The following FRMPD2 variants were observed in gnomAD, a reference collection of about 807,000 sequenced individuals.
FRMPD2 encodes the protein FERM and PDZ domain containing 2.
FRMPD2 carries 96 observed loss-of-function variants against 140.1 expected under a neutral mutation model. The observed-to-expected ratio is 0.69, with a 90% confidence interval of 0.58 to 0.81. The LOEUF (loss-of-function observed/expected upper bound fraction) is 0.81, where lower values mean the gene tolerates loss of function less well. FRMPD2 is among the 40% of genes least tolerant of loss of function. FRMPD2 has a pLI of 0.00. For missense variants in FRMPD2, 1,240 were observed against 1,447.4 expected (o/e 0.86, Z 2.32); for synonymous variants, 449 against 547.6 (o/e 0.82, Z 2.52).
chr10:48,189,793 G>A (rs542107502), intron 16 of FRMPD2, among the ~76,000 whole-genome samples: 30 of 152,284 alleles, frequency 2.0e-4, no homozygotes, highest in South Asian at 1.2e-3. Flanking sequence ...CCAAGCAGCC[G>A]TCCCTGGTGC....
At chr10:48,254,821 A>G (rs1840456579) in intron 1 of FRMPD2, among the ~76,000 whole-genome samples, 1 of 152,218 alleles carries the variant, frequency 6.6e-6, no homozygotes, top group Non-Finnish European at 1.5e-5. Context: ...TCAGAGGCAG[A>G]GCTCTTCCCC....
At chr10:48,204,872 C>T (rs945859865) in intron 14 of FRMPD2, among the ~76,000 whole-genome samples, 1 of 152,178 alleles carries the variant, frequency 6.6e-6, no homozygotes, top group East Asian at 1.9e-4. Flanking sequence ...CTAGAAGGAA[C>T]AGGTTTTTGA....
intron 12 of FRMPD2, among the ~76,000 whole-genome samples, chr10:48,219,439 T>G (rs2131897509): frequency 6.6e-6 from 1 of 152,238 alleles, no homozygotes; most frequent in Admixed American, 6.5e-5. Flanking sequence ...TGCTCCTTCC[T>G]CTCTGCTCCT....
intron 12 of FRMPD2, among the ~76,000 whole-genome samples, chr10:48,217,746 T>G (rs901183932): frequency 6.6e-6 from 1 of 152,220 alleles, no homozygotes; most frequent in African/African-American, 2.4e-5. Context: ...TTTTAACTGT[T>G]GGGCTTGTCC....
chr10:48,233,554 G>T (rs1422621257), intron 9 of FRMPD2, among the ~76,000 whole-genome samples: 2 of 152,138 alleles, frequency 1.3e-5, no homozygotes, highest in Non-Finnish European at 2.9e-5. Context: ...GTGATGAATC[G>T]TATGCCCATA....
chr10:48,221,220 T>C, intron 12 of FRMPD2, among the ~76,000 whole-genome samples: 1 of 152,192 alleles, frequency 6.6e-6, no homozygotes, highest in East Asian at 1.9e-4. Context: ...GTGGTATATG[T>C]ATATATATAC....
intron 1 of FRMPD2, among the ~76,000 whole-genome samples, chr10:48,271,390 A>T (rs1018575884): frequency 6.6e-6 from 1 of 152,196 alleles, no homozygotes; most frequent in Non-Finnish European, 1.5e-5. Flanking sequence ...CTTTTTTAAA[A>T]TGTCTAATAC....
chr10:48,163,898 A>C (rs1358358325), intron 27 of FRMPD2, among the ~76,000 whole-genome samples: 2 of 151,296 alleles, frequency 1.3e-5, no homozygotes, highest in African/African-American at 4.9e-5. Context: ...TGTGAGCCTT[A>C]TTTTTAAATA....
At chr10:48,177,533 T>C (rs1477469258) in intron 22 of FRMPD2, 1 of 159,480 alleles carries the variant, frequency 6.3e-6, no homozygotes, top group Non-Finnish European at 1.4e-5. Context: ...GTTATATGGG[T>C]AATCTCCTTT....
intron 12 of FRMPD2, among the ~76,000 whole-genome samples, chr10:48,220,389 A>G (rs987494932): frequency 6.6e-6 from 1 of 152,244 alleles, no homozygotes; most frequent in Non-Finnish European, 1.5e-5. Flanking sequence ...AGCCACACAC[A>G]GAAGAATGAA....
intron 28 of FRMPD2, among the ~76,000 whole-genome samples, chr10:48,160,913 CG>C (rs1190823270): frequency 6.8e-6 from 1 of 147,752 alleles, no homozygotes; most frequent in Non-Finnish European, 1.5e-5. Context: ...TGCAAACTGA[CG>C]TCCTATTGGA....
At chr10:48,242,718 G>A (rs555782507) in intron 4 of FRMPD2, among the ~76,000 whole-genome samples, 3 of 152,338 alleles carry the variant, frequency 2.0e-5, no homozygotes, top group Non-Finnish European at 2.9e-5. Flanking sequence ...GTTCACCTGC[G>A]TAGCTTGTCA....
rs374213371 is a variant in FRMPD2 at position 48,240,427 on chromosome 10, C to T, written c.633G>A (p.Lys211=). The change falls in exon 6 of 29, where the codon AAG becomes AAA. Residue 211 remains lysine (K), a synonymous_variant. Transcript: ENST00000374201. ...TCTCGCTGCTTGTCCCACGCAGCCTCTTCCTGAGCAGGTAGCTTCTGTTCT... is the reference window on the plus strand; with the variant it reads ...TCTCGCTGCTTGTCCCACGCAGCCTTTTCCTGAGCAGGTAGCTTCTGTTCT... The part of the protein sequence containing the change: ...VQQNRSYLLR[K]RLRGTSSESP... The T allele has an allele frequency of 4.5e-5, 73 of 1,613,610 alleles. No homozygotes were observed. The Middle Eastern group carries it at 1.2e-3, about 25-fold the overall frequency.
In FRMPD2 at chr10:48,272,411, GTT is replaced by G. The variant is rs371500838; in HGVS notation, c.25+2130_25+2131del. On this transcript the variant is annotated intron_variant, in intron 1 of 28. Coordinates refer to ENST00000374201, the MANE Select transcript of FRMPD2 (RefSeq NM_001018071.4). ...ATTATAAAAATCTCCAATTAAATAA[GTT>G]ATATTAACAATATGTTGAAACTCAC... is the stretch of plus-strand genomic sequence containing the variant. 6.6e-4 allele frequency among the ~76,000 whole-genome samples: 100 copies of G among 152,292 alleles called. 1 individual carries two copies. The East Asian group carries it at 0.017, about 26-fold the overall frequency.
chr10:48,210,635 G>C (rs183764189), intron 13 of FRMPD2, among the ~76,000 whole-genome samples: 1 of 152,332 alleles, frequency 6.6e-6, no homozygotes, highest in African/African-American at 2.4e-5. Flanking sequence ...TCAAGGGAAT[G>C]CTTCGTCCCC....
chr10:48,213,051 T>A (rs1465684252), intron 12 of FRMPD2, among the ~76,000 whole-genome samples: 1 of 152,066 alleles, frequency 6.6e-6, no homozygotes, highest in Non-Finnish European at 1.5e-5. Flanking sequence ...GGAAGGCAAG[T>A]GGGAGCTGGG....
chr10:48,199,061 T>C (rs995121072), intron 15 of FRMPD2, among the ~76,000 whole-genome samples: 4 of 152,126 alleles, frequency 2.6e-5, no homozygotes, highest in African/African-American at 4.8e-5. Context: ...GACATAAATA[T>C]GGGAACAATA....
chr10:48,208,107 T>G (rs1488355852), intron 13 of FRMPD2, among the ~76,000 whole-genome samples: 1 of 152,114 alleles, frequency 6.6e-6, no homozygotes, highest in Non-Finnish European at 1.5e-5. Context: ...AATCAATATT[T>G]ATTGAGCGCT....
Position 48,231,674 on chromosome 10 carries a change from A to T in FRMPD2, c.1168+441T>A, listed in dbSNP as rs563349327. 2.0e-5 allele frequency among the ~76,000 whole-genome samples: 3 copies of T among 152,356 alleles called. No individual in the cohort carries two copies. The South Asian group carries it at 6.2e-4, about 32-fold the overall frequency. On this transcript the variant is annotated intron_variant, in intron 10 of 28. Transcript: ENST00000374201. ...CTCTCCACTGTCATTTTAGGTCGAC[A>T]GCAGAAATAAAGAGTCTCTAATAGA...
Sources: allele counts gnomAD v4.1 joint callset (sites outside exome capture counted in the v4.1 genomes callset), GRCh38; gene constraint gnomAD v4.1.1; transcripts MANE v1.5; gene names NCBI Gene and HGNC (gene_info 2026-07-23, HGNC 2026-07-21).